The following LHFPL2 variants were observed in gnomAD, a reference collection of about 807,000 sequenced individuals.
LHFPL2 encodes the protein LHFPL tetraspan subfamily member 2.
A neutral mutation model predicts 17.5 loss-of-function variants in LHFPL2; 7 were observed. That is an observed-to-expected ratio of 0.40 (90% CI 0.23 to 0.75). LHFPL2 has a LOEUF of 0.75. LHFPL2 is among the 30% of genes least tolerant of loss of function. The probability of loss-of-function intolerance (pLI) is 0.37; values close to 1 mark genes in which losing one functional copy is unlikely to be tolerated. For missense variants in LHFPL2, 241 were observed against 294.8 expected (o/e 0.82, Z 1.34); for synonymous variants, 134 against 116.2 (o/e 1.15, Z -0.99).
At chr5:78,646,825 C>T (rs560712032) in intron 1 of LHFPL2, among the ~76,000 whole-genome samples, 1 of 152,204 alleles carries the variant, frequency 6.6e-6, no homozygotes, top group African/African-American at 2.4e-5. Flanking sequence ...AAAAATCCTT[C>T]TTCCTTCCTA....
chr5:78,509,192 CA>C (rs1755025731), intron 4 of LHFPL2, among the ~76,000 whole-genome samples: 1 of 152,204 alleles, frequency 6.6e-6, no homozygotes, highest in Non-Finnish European at 1.5e-5. Flanking sequence ...ATGCACAGAA[CA>C]TTCTGTCAGG....
chr5:78,564,567 C>T (rs1756811536), intron 3 of LHFPL2, among the ~76,000 whole-genome samples: 1 of 152,066 alleles, frequency 6.6e-6, no homozygotes, highest in Admixed American at 6.5e-5. Flanking sequence ...ACAAACAAAG[C>T]ATGTCAGAAT....
intron 2 of LHFPL2, among the ~76,000 whole-genome samples, chr5:78,571,374 A>G (rs1756995670): frequency 6.6e-6 from 1 of 152,178 alleles, no homozygotes; most frequent in South Asian, 2.1e-4. Flanking sequence ...CTTCAGTGTC[A>G]TCTTCCACGC....
At chr5:78,586,572 C>CA (rs1743410322) in intron 2 of LHFPL2, among the ~76,000 whole-genome samples, 1 of 152,226 alleles carries the variant, frequency 6.6e-6, no homozygotes, top group Admixed American at 6.5e-5. Context: ...TCTCAGGCAA[C>CA]AGAGTCTGTA....
chr5:78,619,400 TGAG>T (rs1744746938), intron 2 of LHFPL2, among the ~76,000 whole-genome samples: 2 of 152,080 alleles, frequency 1.3e-5, no homozygotes. Flanking sequence ...TGCTCTCTCT[TGAG>T]GAGCAAATCT....
intron 3 of LHFPL2, among the ~76,000 whole-genome samples, chr5:78,544,287 C>T (rs1054847763): frequency 3.3e-5 from 5 of 152,256 alleles, no homozygotes; most frequent in African/African-American, 1.2e-4. Context: ...CTTGCACAGG[C>T]ATCTGGCACA....
chr5:78,617,635 C>A (rs1744667256), intron 2 of LHFPL2, among the ~76,000 whole-genome samples: 1 of 152,100 alleles, frequency 6.6e-6, no homozygotes. Context: ...GAAAGAATAA[C>A]TGCAAAGCTC....
intron 2 of LHFPL2, among the ~76,000 whole-genome samples, chr5:78,573,706 C>CA (rs1757061146): frequency 6.6e-6 from 1 of 152,216 alleles, no homozygotes; most frequent in African/African-American, 2.4e-5. Context: ...AGAAAGCACT[C>CA]ACTGTTGAAA....
chr5:78,581,275 C>T (rs1223334307), intron 2 of LHFPL2, among the ~76,000 whole-genome samples: 2 of 151,942 alleles, frequency 1.3e-5, no homozygotes, highest in African/African-American at 4.9e-5. Flanking sequence ...TAATTGAATA[C>T]CCTTTATTTC....
Position 78,498,698 on chromosome 5 carries a change from ACT to A in LHFPL2, c.431-9547_431-9546del, listed in dbSNP as rs535800524. 6.4e-3 allele frequency among the ~76,000 whole-genome samples: 971 copies of A among 152,236 alleles called. 4 individuals are homozygous for A. Among genetic ancestry groups the A allele is most frequent in the South Asian group, 0.012 (60 of 4,822 alleles). On this transcript the variant is annotated intron_variant, in intron 4 of 4. Transcript: ENST00000380345. ...TCCCATGTGCAGGGACTCTGGAGACACTCTGCAGTACTGATCCTTACTCACCA... is the reference window on the plus strand; with the variant it reads ...TCCCATGTGCAGGGACTCTGGAGACACTGCAGTACTGATCCTTACTCACCA...
intron 2 of LHFPL2, among the ~76,000 whole-genome samples, chr5:78,607,924 T>C (rs1744284293): frequency 6.6e-6 from 1 of 152,216 alleles, no homozygotes; most frequent in Non-Finnish European, 1.5e-5. Context: ...GAAATCACTC[T>C]AGGCAGTAAA....
chr5:78,591,105 T>C (rs1204860697), intron 2 of LHFPL2, among the ~76,000 whole-genome samples: 2 of 152,240 alleles, frequency 1.3e-5, no homozygotes. Context: ...TCTGACTTCC[T>C]ACTTTTGTAA....
At chr5:78,575,089 T>C (rs1338979063) in intron 2 of LHFPL2, among the ~76,000 whole-genome samples, 1 of 152,154 alleles carries the variant, frequency 6.6e-6, no homozygotes. Context: ...CAGTGGATTA[T>C]AAAACAGGCT....
In LHFPL2 at chr5:78,585,529, C is replaced by T. The variant is rs61467414; in HGVS notation, c.-244-20658G>A. ...GTCTGGCACTCCCTAGTGAGATGAA[C>T]CCGGTACCTCAGATGGAAATGCAGA... On this transcript the variant is annotated intron_variant, in intron 2 of 4. Transcript: ENST00000380345. 7.9e-3 allele frequency among the ~76,000 whole-genome samples: 1,196 copies of T among 152,266 alleles called. 14 individuals are homozygous for T. The highest frequency in any genetic ancestry group is 0.026 in the African/African-American group (1,060 of 41,556).
intron 2 of LHFPL2, among the ~76,000 whole-genome samples, chr5:78,601,627 G>T (rs1744018210): frequency 6.6e-6 from 1 of 152,200 alleles, no homozygotes; most frequent in Non-Finnish European, 1.5e-5. Flanking sequence ...AGAAGGGAAA[G>T]AAATCATTCC....
chr5:78,498,643 C>T (rs1008459924), intron 4 of LHFPL2, among the ~76,000 whole-genome samples: 3 of 152,162 alleles, frequency 2.0e-5, no homozygotes, highest in African/African-American at 7.2e-5. Context: ...ATATTCTCTT[C>T]CCAAAGACCA....
chr5:78,633,639 A>T (rs1745329389), intron 1 of LHFPL2, among the ~76,000 whole-genome samples: 1 of 152,200 alleles, frequency 6.6e-6, no homozygotes, highest in Non-Finnish European at 1.5e-5. Flanking sequence ...TAGTGCTTTG[A>T]AGCCCATTTC....
intron 2 of LHFPL2, among the ~76,000 whole-genome samples, chr5:78,614,706 G>A (rs1474679147): frequency 2.6e-5 from 4 of 152,002 alleles, no homozygotes; most frequent in Non-Finnish European, 4.4e-5. Context: ...AAGAAAAAAG[G>A]ACTAAAAAAT....
intron 2 of LHFPL2, among the ~76,000 whole-genome samples, chr5:78,581,228 CA>C (rs1370590146): frequency 2.6e-5 from 4 of 152,192 alleles, no homozygotes; most frequent in Admixed American, 6.5e-5. Flanking sequence ...ACAATCATGT[CA>C]TCTGCAAACA....
Sources: allele counts gnomAD v4.1 joint callset (sites outside exome capture counted in the v4.1 genomes callset), GRCh38; gene constraint gnomAD v4.1.1; transcripts MANE v1.5; gene names NCBI Gene and HGNC (gene_info 2026-07-23, HGNC 2026-07-21).